Variants in THSD7B observed in about 807,000 individuals in gnomAD.
The protein encoded by THSD7B is thrombospondin type-1 domain-containing protein 7B.
A neutral mutation model predicts 213.6 loss-of-function variants in THSD7B; 138 were observed. The observed-to-expected ratio is 0.65, with a 90% CI of 0.56 to 0.74. THSD7B has a LOEUF of 0.74. Among genes scored for constraint, THSD7B ranks in the 30% least tolerant of loss-of-function variants. The probability of loss-of-function intolerance (pLI) is 0.00; values close to 1 mark genes in which losing one functional copy is unlikely to be tolerated. For synonymous variants in THSD7B, 742 were observed against 687.0 expected (o/e 1.08, Z -1.25); for missense variants, 1,931 against 1,991.5 (o/e 0.97, Z 0.58).
chr2:137,431,059 A>G (rs1026061301), intron 14 of THSD7B, among the ~76,000 whole-genome samples: 8 of 152,204 alleles, frequency 5.3e-5, no homozygotes, highest in Non-Finnish European at 1.0e-4. Flanking sequence ...AATAAGAGTG[A>G]ACGTGGCCCA....
chr2:136,906,829 G>A (rs1275682833), intron 2 of THSD7B, among the ~76,000 whole-genome samples: 1 of 141,552 alleles, frequency 7.1e-6, no homozygotes, highest in Non-Finnish European at 1.5e-5. Flanking sequence ...GAAAATAAAA[G>A]AAATAAAAAT....
intron 4 of THSD7B, among the ~76,000 whole-genome samples, chr2:137,110,217 G>A (rs1340100743): frequency 2.0e-5 from 3 of 152,094 alleles, no homozygotes; most frequent in Admixed American, 6.6e-5. Context: ...CCAAGGTCAG[G>A]GGCTTTCTGT....
At chr2:136,837,098 C>T (rs561696535) in intron 1 of THSD7B, among the ~76,000 whole-genome samples, 14 of 152,334 alleles carry the variant, frequency 9.2e-5, no homozygotes, top group African/African-American at 3.4e-4. Flanking sequence ...AAAGATCTCT[C>T]TGTGTCCACT....
intron 7 of THSD7B, among the ~76,000 whole-genome samples, chr2:137,175,529 A>G (rs1396715478): frequency 3.3e-5 from 5 of 152,196 alleles, no homozygotes; most frequent in Non-Finnish European, 4.4e-5. Flanking sequence ...AGCTGTGTAT[A>G]TATTTGCACG....
chr2:136,819,608 G>A (rs1483973855), intron 1 of THSD7B, among the ~76,000 whole-genome samples: 3 of 152,130 alleles, frequency 2.0e-5, no homozygotes, highest in Non-Finnish European at 2.9e-5. Context: ...CATGGGACTT[G>A]GGATGGCCAT....
chr2:137,620,048 T>G (rs1163391370), intron 19 of THSD7B, among the ~76,000 whole-genome samples: 1 of 152,204 alleles, frequency 6.6e-6, no homozygotes, highest in Non-Finnish European at 1.5e-5. Context: ...ATTAGAAAAT[T>G]TGTATGGTTT....
At chr2:136,933,169 T>TTCCTTC (rs1684663372) in intron 2 of THSD7B, among the ~76,000 whole-genome samples, 9 of 149,326 alleles carry the variant, frequency 6.0e-5, no homozygotes, top group East Asian at 2.0e-4. Context: ...CCTTCCTTCC[T>TTCCTTC]GTTCAACATT....
At chr2:137,120,776 G>T (rs930458656) in intron 5 of THSD7B, among the ~76,000 whole-genome samples, 1 of 152,176 alleles carries the variant, frequency 6.6e-6, no homozygotes, top group Non-Finnish European at 1.5e-5. Flanking sequence ...ACGCTACCTA[G>T]GCCGAGTGCA....
chr2:137,387,777 T>C (rs1001543318), intron 12 of THSD7B, among the ~76,000 whole-genome samples: 1 of 152,186 alleles, frequency 6.6e-6, no homozygotes, highest in Admixed American at 6.5e-5. Flanking sequence ...TGTAATACCA[T>C]ATTTTATTCT....
chr2:137,048,373 G>T (rs1190363807), intron 2 of THSD7B, among the ~76,000 whole-genome samples: 1 of 152,038 alleles, frequency 6.6e-6, no homozygotes, highest in Non-Finnish European at 1.5e-5. Flanking sequence ...AAAATGAGAT[G>T]CACTAAATGT....
intron 19 of THSD7B, among the ~76,000 whole-genome samples, chr2:137,619,727 C>T (rs909081884): frequency 2.6e-5 from 4 of 151,998 alleles, no homozygotes; most frequent in Non-Finnish European, 5.9e-5. Context: ...ACCATATGCC[C>T]AATAAATATG....
chr2:137,419,008 A>C (rs1044722971), intron 14 of THSD7B, among the ~76,000 whole-genome samples: 13 of 152,052 alleles, frequency 8.5e-5, no homozygotes, highest in Non-Finnish European at 1.6e-4. Context: ...CCTGGGTTCA[A>C]GTGATTATCA....
At chr2:137,152,859 C>G (rs1246798733) in intron 5 of THSD7B, among the ~76,000 whole-genome samples, 4 of 152,120 alleles carry the variant, frequency 2.6e-5, no homozygotes, top group African/African-American at 9.7e-5. Context: ...TTCATTGTAC[C>G]TGCCTCTCTG....
intron 12 of THSD7B, among the ~76,000 whole-genome samples, chr2:137,281,153 G>A (rs1057106965): frequency 6.6e-6 from 1 of 152,034 alleles, no homozygotes; most frequent in Non-Finnish European, 1.5e-5. Flanking sequence ...ACCAAAAGAG[G>A]CAGATCTCTA....
chr2:137,269,493 A>G (rs1682684479), intron 10 of THSD7B, among the ~76,000 whole-genome samples: 1 of 152,168 alleles, frequency 6.6e-6, no homozygotes, highest in Non-Finnish European at 1.5e-5. Flanking sequence ...ATGTGAGGTG[A>G]AGGCATCCCT....
At chr2:137,440,955 T>C (rs1460817218) in intron 14 of THSD7B, among the ~76,000 whole-genome samples, 1 of 152,146 alleles carries the variant, frequency 6.6e-6, no homozygotes, top group Non-Finnish European at 1.5e-5. Flanking sequence ...TTAGGATTCA[T>C]TGTATCAGAC....
chr2:137,638,473 G>C (rs1480618988), intron 20 of THSD7B, among the ~76,000 whole-genome samples: 9 of 152,062 alleles, frequency 5.9e-5, no homozygotes, highest in Non-Finnish European at 1.3e-4. Flanking sequence ...ATTAAACCTC[G>C]TTTTCTTCCC....
chr2:137,074,233 G>T (rs919005295), intron 3 of THSD7B, among the ~76,000 whole-genome samples: 8 of 151,996 alleles, frequency 5.3e-5, no homozygotes, highest in African/African-American at 1.9e-4. Context: ...TCTCTTTGTA[G>T]GTCACTAAGG....
chr2:136,870,603 C>T (rs1317293224), intron 1 of THSD7B, among the ~76,000 whole-genome samples: 2 of 152,074 alleles, frequency 1.3e-5, no homozygotes, highest in East Asian at 1.9e-4. Context: ...GCTGAAGAGA[C>T]GGGGGTCTGG....
Sources: gnomAD v4.1 joint callset for allele counts (sites outside exome capture counted in the v4.1 genomes callset) on GRCh38, gnomAD v4.1.1 for gene constraint, MANE v1.5 for transcripts, NCBI Gene and HGNC (gene_info 2026-07-23, HGNC 2026-07-21) for gene names.